DOCK3: variants seen among roughly 807,000 people sequenced by gnomAD.
DOCK3 encodes dedicator of cytokinesis 3, also known as dedicator of cytokinesis protein 3.
DOCK3 carries 60 observed loss-of-function variants against 265.6 expected under a neutral mutation model. The ratio of observed to expected loss-of-function variants is 0.23; its 90% CI spans 0.18 to 0.28. The LOEUF is 0.28. DOCK3 is among the 10% of genes least tolerant of loss of function. The pLI is 1.00. For missense variants in DOCK3, 1,981 were observed against 2,594.3 expected (o/e 0.76, Z 5.14); for synonymous variants, 881 against 938.0 (o/e 0.94, Z 1.11).
intron 12 of DOCK3, among the ~76,000 whole-genome samples, chr3:51,193,830 A>G (rs780348622): frequency 1.0e-5 from 1 of 96,868 alleles, no homozygotes; most frequent in Non-Finnish European, 2.1e-5. Context: ...TGGTTAGTCT[A>G]GCTAGCAGTT....
intron 47 of DOCK3, among the ~76,000 whole-genome samples, chr3:51,360,852 G>C (rs1363387610): frequency 9.2e-5 from 14 of 152,138 alleles, no homozygotes; most frequent in Non-Finnish European, 1.9e-4. Context: ...ATGGAGGAGG[G>C]GGCATTTGGG....
At chr3:51,226,000 C>G (rs1041680671) in intron 15 of DOCK3, among the ~76,000 whole-genome samples, 1 of 152,196 alleles carries the variant, frequency 6.6e-6, no homozygotes, top group Non-Finnish European at 1.5e-5. Context: ...CTGAATCCCT[C>G]TTGCTCCAGT....
At chr3:50,894,614 A>G (rs1026461505) in intron 4 of DOCK3, among the ~76,000 whole-genome samples, 3 of 152,164 alleles carry the variant, frequency 2.0e-5, no homozygotes, top group Non-Finnish European at 4.4e-5. Context: ...TTTTAGTATA[A>G]GAGTTAAAAG....
Position 51,059,775 on chromosome 3 carries a change from C to T in DOCK3, c.316-4673C>T, listed in dbSNP as rs79225431. Reference sequence around the variant, plus strand: ...TCATTACCCATATTCTGTACCCTTCCTCTCTGTGAAGAATAGGTAGGTAAC... The same window carrying T: ...TCATTACCCATATTCTGTACCCTTCTTCTCTGTGAAGAATAGGTAGGTAAC... On this transcript the variant is annotated intron_variant, in intron 5 of 52. Transcript: ENST00000266037. Among the ~76,000 whole-genome samples, 1,362 of 152,196 alleles carry T rather than the reference C, an allele frequency of 8.9e-3. 7 individuals carry two copies. Among genetic ancestry groups the T allele is most frequent in the Middle Eastern group, 0.027 (8 of 294 alleles).
chr3:51,170,460 A>G (rs1034854017), intron 12 of DOCK3, among the ~76,000 whole-genome samples: 1 of 151,928 alleles, frequency 6.6e-6, no homozygotes, highest in African/African-American at 2.4e-5. Flanking sequence ...TTATGATTCA[A>G]TCTTGGTAAG....
chr3:51,197,067 T>C (rs1223157802), intron 12 of DOCK3, among the ~76,000 whole-genome samples: 1 of 152,040 alleles, frequency 6.6e-6, no homozygotes, highest in African/African-American at 2.4e-5. Flanking sequence ...GGTAGGGTAC[T>C]TTGGCTTTGA....
At chr3:51,138,757 G>A (rs775637875) in intron 9 of DOCK3, among the ~76,000 whole-genome samples, 43 of 152,208 alleles carry the variant, frequency 2.8e-4, no homozygotes, top group Middle Eastern at 3.4e-3. Context: ...TTTTCCTTCC[G>A]AAGAATAGTA....
chr3:51,205,307 G>A (rs996768587), intron 12 of DOCK3, among the ~76,000 whole-genome samples: 1 of 152,030 alleles, frequency 6.6e-6, no homozygotes, highest in African/African-American at 2.4e-5. Context: ...GGTATAACAC[G>A]AGGATGCTGC....
chr3:50,935,718 G>A (rs569423719), intron 5 of DOCK3, among the ~76,000 whole-genome samples: 1 of 152,178 alleles, frequency 6.6e-6, no homozygotes. Flanking sequence ...TGAGGAGATA[G>A]TAGGGTGAAG....
At chr3:51,031,626 G>A (rs956014048) in intron 5 of DOCK3, among the ~76,000 whole-genome samples, 4 of 152,172 alleles carry the variant, frequency 2.6e-5, no homozygotes, top group African/African-American at 9.7e-5. Context: ...GACAAAAGCA[G>A]TATTCAAAAT....
chr3:50,795,468 G>C (rs2042720708), intron 2 of DOCK3, among the ~76,000 whole-genome samples: 1 of 152,068 alleles, frequency 6.6e-6, no homozygotes, highest in Non-Finnish European at 1.5e-5. Context: ...TGCAACCTCT[G>C]CCTCCCGGGT....
intron 5 of DOCK3, among the ~76,000 whole-genome samples, chr3:51,032,178 CTTTA>C (rs2080079312): frequency 6.6e-6 from 1 of 150,500 alleles, no homozygotes; most frequent in African/African-American, 2.4e-5. Flanking sequence ...AGAATCTCTA[CTTTA>C]TTTCTCACTT....
At position 51,315,104 on chromosome 3, in the gene DOCK3, G is replaced by A; in HGVS notation, c.3378G>A (p.Gln1126=). The change falls in exon 32 of 53, where the codon CAG becomes CAA. Residue 1126 remains glutamine, a synonymous_variant. Coordinates refer to ENST00000266037, the MANE Select transcript of DOCK3 (RefSeq NM_004947.5). ...PIFHDMMDWE[Q]RKNGNFKQVE... ...TTCATGACATGATGGACTGGGAGCA[G>A]AGAAAAAATGGCAACTTCAAACAGG... The A allele has an allele frequency of 1.2e-6, 2 of 1,609,114 alleles. No individual in the cohort carries two copies. Among genetic ancestry groups the A allele is most frequent in the Non-Finnish European group, 8.5e-7 (1 of 1,177,396 alleles).
rs147898866 is a variant in DOCK3, at chr3:50,868,901, G to GTTTTTT, written c.163-21105_163-21100dup. On this transcript the variant is annotated intron_variant, in intron 3 of 52. Coordinates refer to ENST00000266037, the MANE Select transcript of DOCK3 (RefSeq NM_004947.5). ...CTGATTTTATTTATTTGGATAATCT[G>GTTTTTT]TTTTTTTTTTTTTTTTTTTTTTTTT... Among the ~76,000 whole-genome samples, 29 of 14,282 alleles carry GTTTTTT rather than the reference G, an allele frequency of 2.0e-3. 1 individual carries two copies. Among genetic ancestry groups the GTTTTTT allele is most frequent in the African/African-American group, 4.1e-3 (17 of 4,144 alleles). 9.4% of individuals were successfully genotyped at this position (14,282 alleles called of 152,430 possible).
intron 1 of DOCK3, among the ~76,000 whole-genome samples, chr3:50,763,416 G>A (rs958618640): frequency 6.6e-6 from 1 of 152,068 alleles, no homozygotes; most frequent in African/African-American, 2.4e-5. Flanking sequence ...CTGAGTAGCT[G>A]GGATTGCAGG....
At chr3:50,753,434 C>G (rs2039963065) in intron 1 of DOCK3, among the ~76,000 whole-genome samples, 1 of 152,188 alleles carries the variant, frequency 6.6e-6, no homozygotes, top group Non-Finnish European at 1.5e-5. Context: ...CCTTAATCTT[C>G]TGGGCTCAAG....
chr3:51,043,033 G>T (rs907923596), intron 5 of DOCK3, among the ~76,000 whole-genome samples: 1 of 152,136 alleles, frequency 6.6e-6, no homozygotes, highest in Non-Finnish European at 1.5e-5. Context: ...AGCAACTATA[G>T]ATTCAATGCT....
At chr3:50,916,661 T>C (rs1335973277) in intron 4 of DOCK3, among the ~76,000 whole-genome samples, 1 of 151,838 alleles carries the variant, frequency 6.6e-6, no homozygotes, top group Non-Finnish European at 1.5e-5. Flanking sequence ...AGAAAAAAAT[T>C]AGCTGGGTGT....
chr3:51,308,990 G>A (rs1453957013), intron 27 of DOCK3, among the ~76,000 whole-genome samples: 7 of 151,042 alleles, frequency 4.6e-5, no homozygotes, highest in South Asian at 4.2e-4. Flanking sequence ...CAGACGGGGC[G>A]GCGGGGCAGA....
Sources: gnomAD v4.1 joint callset for allele counts (sites outside exome capture counted in the v4.1 genomes callset) on GRCh38, gnomAD v4.1.1 for gene constraint, MANE v1.5 for transcripts, NCBI Gene and HGNC (gene_info 2026-07-23, HGNC 2026-07-21) for gene names.